The following FGF14 variants were observed in gnomAD, a reference collection of about 807,000 sequenced individuals.
FGF14 encodes fibroblast growth factor homologous factor 4.
A neutral mutation model predicts 25.5 loss-of-function variants in FGF14; 5 were observed. That is an observed-to-expected ratio of 0.20 (90% CI 0.10 to 0.41). FGF14 has a LOEUF of 0.41. Among genes scored for constraint, FGF14 ranks in the 10% least tolerant of loss-of-function variants. The pLI, the probability that FGF14 is intolerant of heterozygous loss-of-function variation, is 1.00. For missense variants in FGF14, 222 were observed against 320.1 expected (o/e 0.69, Z 2.34); for synonymous variants, 138 against 118.3 (o/e 1.17, Z -1.08).
chr13:102,010,964 A>G (rs540111969), intron 1 of FGF14, among the ~76,000 whole-genome samples: 1 of 152,294 alleles, frequency 6.6e-6, no homozygotes, highest in African/African-American at 2.4e-5. Context: ...ATAAATCAGA[A>G]TATGCTAAAT....
At chr13:102,286,292 C>T (rs1404917953) in intron 1 of FGF14, among the ~76,000 whole-genome samples, 3 of 151,598 alleles carry the variant, frequency 2.0e-5, no homozygotes, top group Non-Finnish European at 4.4e-5. Context: ...CTCCCGCTGC[C>T]CAGAAAGAAA....
At chr13:102,121,032 G>C (rs1410666189) in intron 1 of FGF14, among the ~76,000 whole-genome samples, 2 of 152,140 alleles carry the variant, frequency 1.3e-5, no homozygotes, top group African/African-American at 4.8e-5. Context: ...TAGGGACTGA[G>C]TACTTCCGAG....
intron 1 of FGF14, among the ~76,000 whole-genome samples, chr13:102,333,140 G>A (rs2056683256): frequency 6.6e-6 from 1 of 152,028 alleles, no homozygotes; most frequent in African/African-American, 2.4e-5. Flanking sequence ...TGCCACCCAC[G>A]GGCCATATGA....
intron 3 of FGF14, among the ~76,000 whole-genome samples, chr13:101,819,412 A>C (rs3007771): frequency 0.58 from 88,121 of 152,040 alleles, 25,993 homozygotes; most frequent in Non-Finnish European, 0.63. Flanking sequence ...AGCAGTGGGG[A>C]ATCTTGCCCC....
intron 1 of FGF14, among the ~76,000 whole-genome samples, chr13:102,177,322 T>C (rs772707614): frequency 2.6e-5 from 4 of 152,196 alleles, no homozygotes; most frequent in Non-Finnish European, 5.9e-5. Flanking sequence ...CTACACAGTG[T>C]CTGCTAGGAA....
chr13:102,300,920 G>GACAC (rs565433977), intron 1 of FGF14, among the ~76,000 whole-genome samples: 22 of 85,962 alleles, frequency 2.6e-4, no homozygotes, highest in African/African-American at 8.1e-4. Flanking sequence ...TATGCACACA[G>GACAC]ACACACACAC....
chr13:101,726,711 C>T lies in FGF14; in HGVS notation c.508G>A (p.Ala170Thr). The part of the protein sequence containing the change: ...MLYRQQESGR[A>T]WFLGLNKEGQ... ...TCCTTATTTAATCCCAAAAACCAGG[C>T]TCTACCAGATTCCTGTTGTCTGTAC... is the stretch of plus-strand genomic sequence containing the variant. The change falls in exon 4 of 5, where the codon GCC becomes ACC. Residue 170 changes from alanine (A) to threonine (T), a missense_variant. Around this residue, in one of 5 missense-constraint regions of FGF14, gnomAD observed 15 missense variants for 55.7 expected, o/e 0.27. Transcript: ENST00000376143. 1.2e-6 allele frequency: 2 copies of T among 1,613,324 alleles called. No individual in the cohort carries two copies. Among genetic ancestry groups the T allele is most frequent in the Non-Finnish European group, 1.7e-6 (2 of 1,179,496 alleles).
chr13:102,341,029 T>C (rs2056934533), intron 1 of FGF14, among the ~76,000 whole-genome samples: 1 of 152,034 alleles, frequency 6.6e-6, no homozygotes, highest in Admixed American at 6.6e-5. Flanking sequence ...TGGAGTAAGG[T>C]AGAATAACCA....
At chr13:102,353,487 A>G (rs2057343902) in intron 1 of FGF14, among the ~76,000 whole-genome samples, 1 of 152,142 alleles carries the variant, frequency 6.6e-6, no homozygotes, top group African/African-American at 2.4e-5. Context: ...CTTTACCACA[A>G]TGTCCTAAGC....
chr13:101,847,718 TGAA>T (rs1211053187), intron 3 of FGF14, among the ~76,000 whole-genome samples: 2 of 152,210 alleles, frequency 1.3e-5, no homozygotes, highest in East Asian at 3.9e-4. Context: ...CTACAGTTAT[TGAA>T]GAATATCATA....
rs758950207 is a variant in FGF14 at position 101,875,234 on chromosome 13, G to T, written c.256C>A (p.His86Asn). Residue 86 changes from histidine to asparagine, a missense_variant, in exon 2 of 5, where the codon CAC becomes AAC. Physicochemically the swap from His to Asn is moderately conservative, Grantham distance 68 (BLOSUM62 1). This residue lies in a region of FGF14 where 50 missense variants were observed against 75.2 expected (regional missense o/e 0.66). Coordinates refer to ENST00000376143, the MANE Select transcript of FGF14 (RefSeq NM_004115.4). ...YCRQGYYLQM[H>N]PDGALDGTKD... ...GTTCCATCGAGAGCTCCATCGGGGT[G>T]CATTTGCAAGTAGTAGCCTTGCCTG... 23 of 1,613,478 alleles carry T rather than the reference G, an allele frequency of 1.4e-5. No homozygotes were observed. The Middle Eastern group carries it at 8.3e-4, about 58-fold the overall frequency.
At chr13:102,213,151 G>T (rs937872045) in intron 1 of FGF14, among the ~76,000 whole-genome samples, 2 of 152,170 alleles carry the variant, frequency 1.3e-5, no homozygotes. Context: ...CGTCTGCCTT[G>T]CAATTTCAGG....
chr13:102,347,478 T>C (rs1173846961), intron 1 of FGF14, among the ~76,000 whole-genome samples: 1 of 151,794 alleles, frequency 6.6e-6, no homozygotes, highest in Non-Finnish European at 1.5e-5. Context: ...TCATCAGGAG[T>C]TGACATGGCC....
At chr13:102,349,116 G>A (rs146903422) in intron 1 of FGF14, among the ~76,000 whole-genome samples, 76 of 152,110 alleles carry the variant, frequency 5.0e-4, no homozygotes, top group African/African-American at 1.7e-3. Context: ...CTAAACATTC[G>A]GCAATTCACA....
intron 1 of FGF14, among the ~76,000 whole-genome samples, chr13:101,968,142 A>G (rs1375310711): frequency 6.6e-6 from 1 of 152,240 alleles, no homozygotes; most frequent in Non-Finnish European, 1.5e-5. Context: ...TGTTACTCAA[A>G]TGAGTGAAAG....
At chr13:101,730,104 A>G (rs968144366) in intron 3 of FGF14, among the ~76,000 whole-genome samples, 1 of 152,202 alleles carries the variant, frequency 6.6e-6, no homozygotes, top group African/African-American at 2.4e-5. Context: ...TAAACAAATT[A>G]GATGTCTTAT....
intron 3 of FGF14, among the ~76,000 whole-genome samples, chr13:101,807,470 G>T (rs2140164360): frequency 6.6e-6 from 1 of 152,146 alleles, no homozygotes; most frequent in Admixed American, 6.5e-5. Context: ...AAAGCAATAT[G>T]ATATATGTAT....
chr13:102,385,270 C>A (rs2058275290), intron 1 of FGF14, among the ~76,000 whole-genome samples: 1 of 152,190 alleles, frequency 6.6e-6, no homozygotes, highest in African/African-American at 2.4e-5. Flanking sequence ...TCAGACAACC[C>A]TGAACCTATA....
At chr13:102,216,542 C>G (rs2050379855) in intron 1 of FGF14, among the ~76,000 whole-genome samples, 1 of 152,088 alleles carries the variant, frequency 6.6e-6, no homozygotes, top group Admixed American at 6.5e-5. Flanking sequence ...AAGATTGGCA[C>G]ATCATAATTT....
Sources: gnomAD v4.1 joint callset for allele counts (sites outside exome capture counted in the v4.1 genomes callset) on GRCh38, gnomAD v4.1.1 for gene constraint, gnomAD v4.1.1 regional missense constraint, MANE v1.5 for transcripts, NCBI Gene and HGNC (gene_info 2026-07-23, HGNC 2026-07-21) for gene names.